Variants in GPR180 observed in about 807,000 individuals in gnomAD.
GPR180 encodes G protein-coupled receptor 180.
In GPR180, 53 loss-of-function variants were observed where a neutral mutation model predicts 52.6. That is an observed-to-expected ratio of 1.01 (90% confidence interval 0.81 to 1.27). The LOEUF (loss-of-function observed/expected upper bound fraction) is 1.27, where lower values mean the gene tolerates loss of function less well. Among genes scored for constraint, GPR180 ranks in the 50% most tolerant of loss-of-function variants. The probability of loss-of-function intolerance (pLI) is 0.00; values close to 1 mark genes in which losing one functional copy is unlikely to be tolerated. For synonymous variants in GPR180, 200 were observed against 193.1 expected, an observed-to-expected ratio of 1.04 and a Z score of -0.30; for missense variants, 533 against 527.0, an observed-to-expected ratio of 1.01 and a Z score of -0.11.
Position 94,633,761 on chromosome 13 carries a change from A to G in GPR180, c.*6590A>G, listed in dbSNP as rs1053256382. Reference sequence around the variant, plus strand: ...GTGTTCTACCTGTTTCACAGGTAGAAAAGCCTTAGCTCTTTGAGATTATGT... The same window carrying G: ...GTGTTCTACCTGTTTCACAGGTAGAGAAGCCTTAGCTCTTTGAGATTATGT... On this transcript the variant is annotated 3_prime_UTR_variant, in exon 9 of 9. Coordinates refer to ENST00000376958, the MANE Select transcript of GPR180 (RefSeq NM_180989.6). 2.6e-5 allele frequency: 4 copies of G among 151,740 alleles called. No individual in the cohort carries two copies. The highest frequency in any genetic ancestry group is 2.0e-4 in the Admixed American group (3 of 15,248). 9.4% of individuals were successfully genotyped at this position (151,740 alleles called of 1,614,324 possible).
rs751503929 is a variant in GPR180 at position 94,605,519 on chromosome 13, A to G, written c.274A>G (p.Ser92Gly). The change falls in exon 2 of 9, where the codon AGT becomes GGT. Residue 92 changes from serine (S) to glycine (G), a missense_variant. Coordinates refer to ENST00000376958, the MANE Select transcript of GPR180 (RefSeq NM_180989.6). ...LQQSSHGYSC[S>G]EKLSKAQLTM... ...GCAAAGCAGTCATGGTTATAGCTGTAGTGAAAAATTATCCAAAGCTCAGTT... is the reference window on the plus strand; with the variant it reads ...GCAAAGCAGTCATGGTTATAGCTGTGGTGAAAAATTATCCAAAGCTCAGTT... The G allele has an allele frequency of 2.7e-5, 44 of 1,613,296 alleles. No individual in the cohort carries two copies. Among genetic ancestry groups the G allele is most frequent in the Non-Finnish European group, 3.6e-5 (42 of 1,179,572 alleles).
In GPR180 at chr13:94,627,519, T is replaced by C. The variant is rs1028086602; in HGVS notation, c.*348T>C. The C allele has an allele frequency of 8.9e-6, 2 of 225,978 alleles. No homozygotes were observed. Among genetic ancestry groups the C allele is most frequent in the South Asian group, 7.5e-5 (1 of 13,330 alleles). The allele number at this position is 225,978 out of a possible 1,614,324, so 14.0% of individuals were successfully genotyped here. A position where few individuals can be genotyped will look rare whatever the true frequency, so the allele number is the denominator to read the frequency against. ...AGCTAACTCAGGTTTAATAGTCTTA[T>C]AAAAAGTAATCAGTTAAATGATTAC... is the stretch of plus-strand genomic sequence containing the variant. On this transcript the variant is annotated 3_prime_UTR_variant, in exon 9 of 9. Coordinates refer to ENST00000376958, the MANE Select transcript of GPR180 (RefSeq NM_180989.6).
chr13:94,623,418 G>T (rs1889879653), intron 7 of GPR180, 118 bp downstream of exon 7: 5 of 748,312 alleles, frequency 6.7e-6, no homozygotes, highest in Non-Finnish European at 8.7e-6. Context: ...GGGCACAGTG[G>T]CTCACTCCTA....
At position 94,628,012 on chromosome 13, in the gene GPR180, A is replaced by C. The variant is rs1221971996; in HGVS notation, c.*841A>C. The C allele has an allele frequency of 6.6e-6, 1 of 152,512 alleles. No homozygotes were observed. The highest frequency in any genetic ancestry group is 1.9e-4 in the East Asian group (1 of 5,206). 9.4% of individuals were successfully genotyped at this position (152,512 alleles called of 1,614,324 possible). A position where few individuals can be genotyped will look rare whatever the true frequency, so the allele number is the denominator to read the frequency against. ...TTACGTTGAATCCCCAATCATAATT[A>C]AGCCGTATACACAGATTAAATTAAC... is the stretch of plus-strand genomic sequence containing the variant. On this transcript the variant is annotated 3_prime_UTR_variant, in exon 9 of 9. Transcript: ENST00000376958.
chr13:94,629,702 G>C lies in GPR180; in HGVS notation c.*2531G>C, dbSNP rs991241544. The C allele has an allele frequency of 6.6e-6, 1 of 152,206 alleles. No homozygotes were observed. Among genetic ancestry groups the C allele is most frequent in the African/African-American group, 2.4e-5 (1 of 41,444 alleles). The allele number at this position is 152,206 out of a possible 1,614,324, so 9.4% of individuals were successfully genotyped here. A position where few individuals can be genotyped will look rare whatever the true frequency, so the allele number is the denominator to read the frequency against. On this transcript the variant is annotated 3_prime_UTR_variant, in exon 9 of 9. Coordinates refer to ENST00000376958, the MANE Select transcript of GPR180 (RefSeq NM_180989.6). The stretch of plus-strand genomic sequence containing the variant: ...TGTGCTAAAATCAGAACATGCGCTT[G>C]AATATCTGTAAGACCTCAGCACACT...
Position 94,627,154 on chromosome 13 carries a change from A to G in GPR180, c.1306A>G (p.Ser436Gly). Residue 436 changes from serine to glycine, a missense_variant, in exon 9 of 9, where the codon AGT (serine) becomes GGT (glycine). By Grantham distance (56) the Ser-to-Gly change is moderately conservative (BLOSUM62 0). Coordinates refer to ENST00000376958, the MANE Select transcript of GPR180 (RefSeq NM_180989.6). Reference protein sequence around the residue: ...LPLTISSGHKSRPHF With the variant: ...LPLTISSGHKGRPHF ...ACTGACCATATCATCTGGACACAAA[A>G]GTCGCCCTCATTTCTGATACTTGAT... The G allele has an allele frequency of 6.2e-7, 1 of 1,612,428 alleles. No homozygotes were observed. The highest frequency in any genetic ancestry group is 8.5e-7 in the Non-Finnish European group (1 of 1,179,420).
intron 5 of GPR180, 100 bp downstream of exon 5, chr13:94,619,617 T>A: frequency 1.0e-6 from 1 of 995,546 alleles, no homozygotes; most frequent in Non-Finnish European, 1.5e-6. Context: ...GAAAATTGTT[T>A]AGAAATCAGC....
At chr13:94,603,901 G>A (rs1311300432) in intron 1 of GPR180, among the ~76,000 whole-genome samples, 1 of 152,126 alleles carries the variant, frequency 6.6e-6, no homozygotes, top group African/African-American at 2.4e-5. Context: ...GGTTCATTCT[G>A]TATTCATCTT....
chr13:94,623,296 C>A lies in GPR180; in HGVS notation c.1082C>A (p.Ala361Asp). 6.2e-7 allele frequency: 1 copy of A among 1,608,304 alleles called. No homozygotes were observed. The highest frequency in any genetic ancestry group is 8.5e-7 in the Non-Finnish European group (1 of 1,176,146). Residue 361 changes from alanine (A) to aspartate (D), a missense_variant, in exon 7 of 9, where the codon GCC becomes GAC. Coordinates refer to ENST00000376958, the MANE Select transcript of GPR180 (RefSeq NM_180989.6). ...AAAAGGGAGTTCTACATCACATTTG[C>A]CAAAGTATGGGTTTGGAAAGAAAAT... ...TLKREFYITFAKGCILWFLCH... is the reference protein window; with the variant it reads ...TLKREFYITFDKGCILWFLCH...
Position 94,602,049 on chromosome 13 carries a change from G to T in GPR180, c.122G>T (p.Arg41Leu). The T allele has an allele frequency of 2.1e-6, 3 of 1,419,286 alleles. No homozygotes were observed. The highest frequency in any genetic ancestry group is 3.0e-5 in the South Asian group (2 of 65,976). The allele number at this position is 1,419,286 out of a possible 1,614,324, so 87.9% of individuals were successfully genotyped here. ...STAAQDAQGQ[R>L]IGHFEFHGDH... ...GCGGCCCAGGACGCCCAGGGCCAGC[G>T]CATCGGCCACTTCGAGTTCCATGGT... is the stretch of plus-strand genomic sequence containing the variant. Residue 41 changes from arginine to leucine, a missense_variant, in exon 1 of 9, where the codon CGC becomes CTC. By Grantham distance (102) the Arg-to-Leu change is moderately radical. Transcript: ENST00000376958.
chr13:94,602,120 G>T, intron 1 of GPR180, 48 bp downstream of exon 1: 2 of 1,271,524 alleles, frequency 1.6e-6, no homozygotes, highest in South Asian at 2.6e-5. Flanking sequence ...GGCCCATCCC[G>T]CCGGCTGAGT....
intron 2 of GPR180, among the ~76,000 whole-genome samples, chr13:94,609,536 T>A (rs892676517): frequency 8.5e-5 from 13 of 152,166 alleles, no homozygotes; most frequent in Non-Finnish European, 1.5e-4. Context: ...GGGTTTTTTT[T>A]ATATTTTATC....
intron 6 of GPR180, 106 bp downstream of exon 6, chr13:94,621,341 A>ATT: frequency 3.3e-5 from 27 of 811,958 alleles, no homozygotes; most frequent in Non-Finnish European, 3.5e-5. Flanking sequence ...AATTTGTGTC[A>ATT]TTTTTTTTTT....
chr13:94,605,392 T>C lies in GPR180; in HGVS notation c.147T>C (p.Gly49=), dbSNP rs781075165. ...GQRIGHFEFH[G]DHALLCVRIN... ...GATGATTTTTGTTTTAATGTCAAGGTGACCATGCTCTTCTGTGTGTCAGAA... is the reference window on the plus strand; with the variant it reads ...GATGATTTTTGTTTTAATGTCAAGGCGACCATGCTCTTCTGTGTGTCAGAA... Residue 49 remains glycine, a splice_region_variant and synonymous_variant, in exon 2 of 9, where the codon GGT becomes GGC. Coordinates refer to ENST00000376958, the MANE Select transcript of GPR180 (RefSeq NM_180989.6). 2 of 1,613,968 alleles carry C rather than the reference T, an allele frequency of 1.2e-6. No homozygotes were observed. Among genetic ancestry groups the C allele is most frequent in the Admixed American group, 3.3e-5 (2 of 59,958 alleles).
At chr13:94,624,467 C>CT (rs1889895688) in intron 7 of GPR180, among the ~76,000 whole-genome samples, 1 of 152,180 alleles carries the variant, frequency 6.6e-6, no homozygotes, top group African/African-American at 2.4e-5. Context: ...GTCATCCTGC[C>CT]TTTGAGTTTT....
chr13:94,621,861 A>G lies in GPR180; in HGVS notation c.894+626A>G, dbSNP rs181461392. On this transcript the variant is annotated intron_variant, in intron 6 of 8. Transcript: ENST00000376958. The stretch of plus-strand genomic sequence containing the variant: ...TAAGATACCCATATGCCTATGTTCA[A>G]TGGATTTGTAAAAATTAAGAAGAAA... Among the ~76,000 whole-genome samples, 3 of 152,228 alleles carry G rather than the reference A, an allele frequency of 2.0e-5. No homozygotes were observed. The East Asian group carries it at 5.8e-4, about 29-fold the overall frequency.
In GPR180 at chr13:94,619,506, G is replaced by A. The variant is rs754693824; in HGVS notation, c.725G>A (p.Ser242Asn). Residue 242 changes from serine to asparagine, a missense_variant, in exon 5 of 9, where the codon AGT (serine) becomes AAT (asparagine). Coordinates refer to ENST00000376958, the MANE Select transcript of GPR180 (RefSeq NM_180989.6). ...GGAATAGGGGTACCATTTATGGGAA[G>A]TTTGGCAGAATGTGAGTATCTTTCT... ...KDGIGVPFMGSLAEFFDIASQ... is the reference protein window; with the variant it reads ...KDGIGVPFMGNLAEFFDIASQ... 6.2e-7 allele frequency: 1 copy of A among 1,613,080 alleles called. No homozygotes were observed. The highest frequency in any genetic ancestry group is 1.1e-5 in the South Asian group (1 of 90,950).
chr13:94,615,927 A>C (rs773222109), intron 3 of GPR180, among the ~76,000 whole-genome samples: 29 of 152,358 alleles, frequency 1.9e-4, no homozygotes, highest in Non-Finnish European at 3.7e-4. Context: ...TTAAAGTAAC[A>C]GAAAACCCTA....
rs748654788 is a variant in GPR180, at chr13:94,621,251, C to T, written c.894+16C>T. On this transcript the variant is annotated intron_variant, in intron 6 of 8. Coordinates refer to ENST00000376958, the MANE Select transcript of GPR180 (RefSeq NM_180989.6). Reference sequence around the variant, plus strand: ...CATGACACAGGTGGGTATTGATACTCAGTGTTTCTGCTTAGTAATCCTCAG... The same window carrying T: ...CATGACACAGGTGGGTATTGATACTTAGTGTTTCTGCTTAGTAATCCTCAG... 1.3e-6 allele frequency: 2 copies of T among 1,551,520 alleles called. No individual in the cohort carries two copies. Among genetic ancestry groups the T allele is most frequent in the South Asian group, 2.5e-5 (2 of 79,784 alleles).
Sources: gnomAD v4.1 joint callset for allele counts (sites outside exome capture counted in the v4.1 genomes callset) on GRCh38, gnomAD v4.1.1 for gene constraint, MANE v1.5 for transcripts, NCBI Gene and HGNC (gene_info 2026-07-23, HGNC 2026-07-21) for gene names.